Variants in NUP93 observed in about 807,000 individuals in gnomAD.
NUP93 encodes nucleoporin 93.
A neutral mutation model predicts 107.8 loss-of-function variants in NUP93; 55 were observed. The ratio of observed to expected loss-of-function variants is 0.51; its 90% CI spans 0.41 to 0.64. NUP93 has a LOEUF of 0.64. NUP93 is among the 30% of genes least tolerant of loss of function. The pLI is 0.00. For missense variants in NUP93, 937 were observed against 1,044.7 expected (o/e 0.90, Z 1.42); for synonymous variants, 390 against 397.5 (o/e 0.98, Z 0.22).
In NUP93 at chr16:56,845,755, G is replaced by T. The variant is rs1230540204; in HGVS notation, c.*1146G>T. 1 of 152,214 alleles carries T rather than the reference G, an allele frequency of 6.6e-6. No homozygotes were observed. The highest frequency in any genetic ancestry group is 6.5e-5 in the Admixed American group (1 of 15,286). 9.4% of individuals were successfully genotyped at this position (152,214 alleles called of 1,614,324 possible). On this transcript the variant is annotated 3_prime_UTR_variant, in exon 22 of 22. Coordinates refer to ENST00000308159, the MANE Select transcript of NUP93 (RefSeq NM_014669.5). ...AGATCCCCAAAGGGTCCCCAAAGGT[G>T]CCTTTGCTTGTAGGGAGAAGTTTCT...
Position 56,837,743 on chromosome 16 carries a change from C to G in NUP93, c.2018+17C>G, listed in dbSNP as rs758157126. 16 of 1,599,024 alleles carry G rather than the reference C, an allele frequency of 1.0e-5. No individual in the cohort carries two copies. The highest frequency in any genetic ancestry group is 1.3e-5 in the Non-Finnish European group (15 of 1,167,830). On this transcript the variant is annotated intron_variant, in intron 18 of 21. Transcript: ENST00000308159. The stretch of plus-strand genomic sequence containing the variant: ...TGCCGAACGGTAAGCCAGGAGCTGG[C>G]TCCATGGGACCCTGAGGGTGCCACT...
intron 10 of NUP93, 113 bp downstream of exon 10, chr16:56,830,798 G>A: frequency 9.9e-7 from 1 of 1,012,652 alleles, no homozygotes; most frequent in Non-Finnish European, 1.3e-6. Context: ...TTCTGCTTGG[G>A]GGAAAAAGGA....
At position 56,840,221 on chromosome 16, in the gene NUP93, C is replaced by T. The variant is rs147643198; in HGVS notation, c.2220+617C>T. Among the ~76,000 whole-genome samples, 372 of 152,232 alleles carry T rather than the reference C, an allele frequency of 2.4e-3. 1 individual carries two copies. The highest frequency in any genetic ancestry group is 3.5e-3 in the Non-Finnish European group (240 of 68,012). On this transcript the variant is annotated intron_variant, in intron 20 of 21. Transcript: ENST00000308159. The stretch of plus-strand genomic sequence containing the variant: ...ATATTTAGTAGAGATGGGGTTTCAC[C>T]GTGTTAGCCAGGATGGTCTCGATCT...
chr16:56,842,387 C>T (rs1964042797), intron 21 of NUP93, among the ~76,000 whole-genome samples: 1 of 152,114 alleles, frequency 6.6e-6, no homozygotes, highest in Non-Finnish European at 1.5e-5. Flanking sequence ...TCTCTGACAC[C>T]TGTGCCCTTT....
intron 8 of NUP93, among the ~76,000 whole-genome samples, chr16:56,825,525 A>AT (rs1196582502): frequency 3.3e-5 from 5 of 150,540 alleles, no homozygotes; most frequent in East Asian, 1.9e-4. Flanking sequence ...TTTAATTTTT[A>AT]TTTTTTTTCA....
intron 17 of NUP93, 73 bp from the exon 18 acceptor site, chr16:56,837,535 G>A (rs999304604): frequency 7.5e-6 from 9 of 1,195,880 alleles, no homozygotes; most frequent in Admixed American, 1.7e-5. Context: ...TTGGTGGGTA[G>A]GGGGCATTAT....
In NUP93 at chr16:56,822,116, A is replaced by AG. The variant is rs1280821577; in HGVS notation, c.654+528dup. Among the ~76,000 whole-genome samples the AG allele has an allele frequency of 4.2e-3, 616 of 148,234 alleles. 6 individuals are homozygous for AG. The highest frequency in any genetic ancestry group is 0.014 in the African/African-American group (570 of 40,190). On this transcript the variant is annotated intron_variant, in intron 7 of 21. Coordinates refer to ENST00000308159, the MANE Select transcript of NUP93 (RefSeq NM_014669.5). ...TAAGGGGCAAAAAAAAAAAAAAAAA[A>AG]GGGGGATGGATGACTACTTGGTGGG...
intron 3 of NUP93, chr16:56,783,569 C>T (rs1309685008): frequency 1.0e-6 from 1 of 985,318 alleles, no homozygotes; most frequent in African/African-American, 1.7e-5. Flanking sequence ...TTATCCACGC[C>T]TTGGTACAGT....
chr16:56,790,830 CTTGTT>C (rs1962745475), intron 3 of NUP93, among the ~76,000 whole-genome samples: 2 of 152,122 alleles, frequency 1.3e-5, no homozygotes, highest in Admixed American at 1.3e-4. Flanking sequence ...TATTGGACTT[CTTGTT>C]TTATCTTGGA....
At chr16:56,780,976 T>C (rs2144518923) in intron 3 of NUP93, among the ~76,000 whole-genome samples, 1 of 152,306 alleles carries the variant, frequency 6.6e-6, no homozygotes, top group Non-Finnish European at 1.5e-5. Flanking sequence ...TGTACAGTTG[T>C]TTGCCGCACT....
At chr16:56,771,597 G>C (rs1423010261) in intron 3 of NUP93, among the ~76,000 whole-genome samples, 1 of 152,172 alleles carries the variant, frequency 6.6e-6, no homozygotes, top group Non-Finnish European at 1.5e-5. Flanking sequence ...CAGCACGAAA[G>C]ACTTGCTGGT....
chr16:56,850,145 T>C lies in NUP93; in HGVS notation c.*5536T>C, dbSNP rs1429502312. The C allele has an allele frequency of 1.3e-5, 2 of 152,270 alleles. No homozygotes were observed. Among genetic ancestry groups the C allele is most frequent in the Non-Finnish European group, 2.9e-5 (2 of 68,066 alleles). 9.4% of individuals were successfully genotyped at this position (152,270 alleles called of 1,614,324 possible). On this transcript the variant is annotated 3_prime_UTR_variant, in exon 22 of 22. Transcript: ENST00000308159. ...CTCGAGTCACTCTGTGTGGTGCTTG[T>C]GGGAGAAGGGAGAGGGTGGGAGAGC...
At chr16:56,786,843 C>A (rs1382810840) in intron 3 of NUP93, among the ~76,000 whole-genome samples, 1 of 152,212 alleles carries the variant, frequency 6.6e-6, no homozygotes, top group Non-Finnish European at 1.5e-5. Flanking sequence ...TCCCCTTCTC[C>A]TCCCAGTAAG....
rs747992639 is a variant in NUP93 at position 56,834,147 on chromosome 16, C to T, written c.1557C>T (p.Asp519=). 3 of 1,614,052 alleles carry T rather than the reference C, an allele frequency of 1.9e-6. No homozygotes were observed. Among genetic ancestry groups the T allele is most frequent in the Admixed American group, 3.3e-5 (2 of 60,002 alleles). ...ATGCAGTCAGCCACGAGCCTGGTGA[C>T]CCTCCTTGCTTGCGGCGGCTGAACT... ...SAQLLSHEPG[D]PPCLRRLNFV... is the part of the protein sequence containing the mutation. Residue 519 remains aspartate, a synonymous_variant, in exon 14 of 22, where the codon GAC becomes GAT. Coordinates refer to ENST00000308159, the MANE Select transcript of NUP93 (RefSeq NM_014669.5).
chr16:56,822,345 C>T (rs1298975593), intron 7 of NUP93, among the ~76,000 whole-genome samples: 2 of 151,186 alleles, frequency 1.3e-5, no homozygotes, highest in African/African-American at 4.9e-5. Flanking sequence ...GACCTCTTCT[C>T]TACAAAAAAT....
chr16:56,797,397 A>G (rs1261946827), intron 3 of NUP93, among the ~76,000 whole-genome samples: 3 of 152,232 alleles, frequency 2.0e-5, no homozygotes, highest in African/African-American at 7.2e-5. Context: ...TTGATGGGTC[A>G]TCTTCCTTGT....
chr16:56,781,867 A>G (rs1962521238), intron 3 of NUP93: 1 of 985,206 alleles, frequency 1.0e-6, no homozygotes, highest in Admixed American at 6.2e-5. Context: ...CTGATGGCTG[A>G]CTTCTCTGAA....
chr16:56,759,919 T>A (rs1428007901), intron 3 of NUP93, among the ~76,000 whole-genome samples: 1 of 152,220 alleles, frequency 6.6e-6, no homozygotes, highest in African/African-American at 2.4e-5. Flanking sequence ...TTTGATATTC[T>A]TGGAGTAGGT....
At chr16:56,799,288 G>A (rs1596813156) in intron 4 of NUP93, among the ~76,000 whole-genome samples, 2 of 152,074 alleles carry the variant, frequency 1.3e-5, no homozygotes, top group Non-Finnish European at 2.9e-5. Flanking sequence ...GCACACACGC[G>A]AAACTAGCTC....
Sources: allele counts gnomAD v4.1 joint callset (sites outside exome capture counted in the v4.1 genomes callset), GRCh38; gene constraint gnomAD v4.1.1; transcripts MANE v1.5; gene names NCBI Gene and HGNC (gene_info 2026-07-23, HGNC 2026-07-21).